The following CLSTN3 variants were observed in gnomAD, a reference collection of about 807,000 sequenced individuals.
CLSTN3 encodes the protein calsyntenin-3.
CLSTN3 carries 36 observed loss-of-function variants against 95.9 expected under a neutral mutation model. The ratio of observed to expected loss-of-function variants is 0.38; its 90% CI spans 0.29 to 0.50. The LOEUF (loss-of-function observed/expected upper bound fraction) is 0.50. CLSTN3 is among the 20% of genes least tolerant of loss of function. The probability of loss-of-function intolerance (pLI) is 0.95; values close to 1 mark genes in which losing one functional copy is unlikely to be tolerated. For synonymous variants in CLSTN3, 481 were observed against 504.0 expected, an observed-to-expected ratio of 0.95 and a Z score of 0.61; for missense variants, 1,084 against 1,268.8, an observed-to-expected ratio of 0.85 and a Z score of 2.21.
chr12:7,129,946 TCAGGCTCAGACTGAGGGTTTTACTTCA>T, upstream of CLSTN3: 3 of 361,972 alleles, frequency 8.3e-6, no homozygotes, highest in Non-Finnish European at 1.2e-5. The surrounding 1 kb of genome is among the most constrained non-coding windows in gnomAD (Gnocchi z 5.5). Context: ...CCAGGATTTC[TCAGGCTCAGACTGAGGGTTTTACTTCA>T]CCCTTCCCAG....
chr12:7,135,073 G>A (rs1033467688), intron 3 of CLSTN3, among the ~76,000 whole-genome samples: 1 of 152,028 alleles, frequency 6.6e-6, no homozygotes, highest in Non-Finnish European at 1.5e-5. Flanking sequence ...ACCGTGTCGA[G>A]GCTGTACCTT....
Position 7,135,322 on chromosome 12 carries a change from T to C in CLSTN3, c.384-5T>C. On this transcript the variant is annotated splice_polypyrimidine_tract_variant and splice_region_variant and intron_variant, in intron 3 of 17. Transcript: ENST00000266546. ...TTCATCCCTCCTTCTCTCTGGCATATGCAGGGCCACTGTGCATGTGCGGGT... is the reference window on the plus strand; with the variant it reads ...TTCATCCCTCCTTCTCTCTGGCATACGCAGGGCCACTGTGCATGTGCGGGT... 1.2e-6 allele frequency: 2 copies of C among 1,613,994 alleles called. No homozygotes were observed. Among genetic ancestry groups the C allele is most frequent in the Non-Finnish European group, 1.7e-6 (2 of 1,179,886 alleles).
At chr12:7,151,300 G>C in intron 16 of CLSTN3, 1 of 465,528 alleles carries the variant, frequency 2.1e-6, no homozygotes, top group Non-Finnish European at 3.7e-6. Context: ...GCTTATGCCT[G>C]CAGTCATAAA....
Position 7,133,836 on chromosome 12 carries a change from C to A in CLSTN3, c.383+68C>A. On this transcript the variant is annotated intron_variant, in intron 3 of 17. Transcript: ENST00000266546. This position sits in a 1 kb window ranked among gnomAD's most constrained non-coding sequence, Gnocchi z 4.7. ...TCCTCCCTGCTCCCAAGCCCACCAT[C>A]CTCTGTCCGTGCGGTCATCGAATAT... The A allele has an allele frequency of 7.5e-7, 1 of 1,336,486 alleles. No homozygotes were observed. Among genetic ancestry groups the A allele is most frequent in the Non-Finnish European group, 1.0e-6 (1 of 973,298 alleles). The allele number at this position is 1,336,486 out of a possible 1,614,324, so 82.8% of individuals were successfully genotyped here.
upstream of CLSTN3, chr12:7,130,315 C>A (rs61917921): frequency 2.1e-5 from 21 of 992,608 alleles, 1 homozygote; most frequent in East Asian, 4.4e-5. Flanking sequence ...CCCCCCCCTC[C>A]CAGTCACCTG....
At chr12:7,142,224 C>A in intron 10 of CLSTN3, 85 bp downstream of exon 10, 3 of 1,238,024 alleles carry the variant, frequency 2.4e-6, no homozygotes, top group Non-Finnish European at 3.5e-6. Flanking sequence ...CAAATCCTAT[C>A]CAGCCTGTGA....
intron 5 of CLSTN3, 92 bp from the exon 6 acceptor site, chr12:7,136,114 A>C: frequency 6.6e-7 from 1 of 1,522,946 alleles, no homozygotes; most frequent in Non-Finnish European, 8.9e-7. Context: ...AGGAGCCCCA[A>C]ACTGTCCATG....
chr12:7,150,472 G>A lies in CLSTN3; in HGVS notation c.2246-72G>A. The A allele has an allele frequency of 6.5e-7, 1 of 1,543,970 alleles. No individual in the cohort carries two copies. Among genetic ancestry groups the A allele is most frequent in the South Asian group, 1.2e-5 (1 of 84,268 alleles). On this transcript the variant is annotated intron_variant, in intron 14 of 17. Transcript: ENST00000266546. The surrounding 1 kb of genome is among the most constrained non-coding windows in gnomAD (Gnocchi z 4.0). ...GCTTGTGTGGCGTCAGCTGGTGGGA[G>A]TCCAGGAGAGAGGGTCCTGCCCAGG...
Position 7,158,810 on chromosome 12 carries a change from G to A in CLSTN3, c.*729G>A, listed in dbSNP as rs746944670. On this transcript the variant is annotated 3_prime_UTR_variant, in exon 18 of 18. Coordinates refer to ENST00000266546, the MANE Select transcript of CLSTN3 (RefSeq NM_014718.4). ...GCCCATGTTCCTGCGTGCAGCTCACGGCCTTGTGTGTATGTGTGTGTGTGT... is the reference window on the plus strand; with the variant it reads ...GCCCATGTTCCTGCGTGCAGCTCACAGCCTTGTGTGTATGTGTGTGTGTGT... 1.3e-5 allele frequency: 1 copy of A among 78,618 alleles called. No individual in the cohort carries two copies. The highest frequency in any genetic ancestry group is 3.3e-5 in the African/African-American group (1 of 30,138). 4.9% of individuals were successfully genotyped at this position (78,618 alleles called of 1,614,324 possible).
intron 16 of CLSTN3, among the ~76,000 whole-genome samples, chr12:7,154,247 A>G (rs3782921): frequency 6.6e-6 from 1 of 152,158 alleles, no homozygotes; most frequent in East Asian, 1.9e-4. Flanking sequence ...TGGTTTCACA[A>G]TATCAAACCA....
chr12:7,155,462 G>T (rs956379029), intron 16 of CLSTN3, among the ~76,000 whole-genome samples: 1 of 152,212 alleles, frequency 6.6e-6, no homozygotes, highest in African/African-American at 2.4e-5. Context: ...GCTCGTCATC[G>T]TTGTGTGCTT....
At position 7,157,916 on chromosome 12, in the gene CLSTN3, TCTC is replaced by T. The variant is rs1384912715; in HGVS notation, c.2731-21_2731-19del. 2.3e-5 allele frequency: 36 copies of T among 1,548,980 alleles called. No individual in the cohort carries two copies. The highest frequency in any genetic ancestry group is 3.0e-5 in the Non-Finnish European group (34 of 1,146,834). On this transcript the variant is annotated intron_variant, in intron 17 of 17. Coordinates refer to ENST00000266546, the MANE Select transcript of CLSTN3 (RefSeq NM_014718.4). The surrounding 1 kb of genome is among the most constrained non-coding windows in gnomAD (Gnocchi z 5.9). ...GGATGTGTGCAGGCCATTGATCCCTTCTCCTCTCTGTTCCTGCCCTCCAGTCCT... is the reference window on the plus strand; with the variant it reads ...GGATGTGTGCAGGCCATTGATCCCTTCTCTCTGTTCCTGCCCTCCAGTCCT...
rs200731672 is a variant in CLSTN3 at position 7,137,801 on chromosome 12, A to T, written c.1211-154A>T. Among the ~76,000 whole-genome samples, 7,977 of 114,240 alleles carry T rather than the reference A, an allele frequency of 0.07. 277 individuals carry two copies. Among genetic ancestry groups the T allele is most frequent in the East Asian group, 0.22 (660 of 3,064 alleles). The allele number at this position is 114,240 out of a possible 152,430, so 74.9% of individuals were successfully genotyped here. A position where few individuals can be genotyped will look rare whatever the true frequency, so the allele number is the denominator to read the frequency against. ...GTGTGTGTGTGTGTGTGTGTGAGAG[A>T]GAGAGAGAGAGAGAGAGAGAGGAAA... On this transcript the variant is annotated intron_variant, in intron 7 of 17. Transcript: ENST00000266546. The surrounding 1 kb of genome is among the most constrained non-coding windows in gnomAD (Gnocchi z 4.4).
At chr12:7,136,735 C>A (rs1168746117) in intron 6 of CLSTN3, 94 bp from the exon 7 acceptor site, 1 of 1,413,344 alleles carries the variant, frequency 7.1e-7, no homozygotes, top group Non-Finnish European at 9.8e-7. Flanking sequence ...TGTAGGAAAT[C>A]TTTTCCCATC....
Position 7,157,951 on chromosome 12 carries a change from A to G in CLSTN3, c.2741A>G (p.Asn914Ser), listed in dbSNP as rs1267116176. ...IIVNPMESYQNRQSCVTGAVG... is the reference protein window; with the variant it reads ...IIVNPMESYQSRQSCVTGAVG... ...GTTCCTGCCCTCCAGTCCTACCAGAATCGGCAGTCCTGTGTGACGGGGGCT... is the reference window on the plus strand; with the variant it reads ...GTTCCTGCCCTCCAGTCCTACCAGAGTCGGCAGTCCTGTGTGACGGGGGCT... The change falls in exon 18 of 18, where the codon AAT becomes AGT. Residue 914 changes from asparagine (N) to serine (S), a missense_variant. Coordinates refer to ENST00000266546, the MANE Select transcript of CLSTN3 (RefSeq NM_014718.4). The surrounding 1 kb of genome is among the most constrained non-coding windows in gnomAD (Gnocchi z 5.9). 3.9e-6 allele frequency: 6 copies of G among 1,551,106 alleles called. No individual in the cohort carries two copies. Among genetic ancestry groups the G allele is most frequent in the East Asian group, 2.4e-5 (1 of 40,918 alleles).
intron 12 of CLSTN3, among the ~76,000 whole-genome samples, chr12:7,148,156 A>AAAAGAAAGAAAGAAAGAAAGAAAG (rs55677407): frequency 1.9e-4 from 26 of 135,498 alleles, no homozygotes; most frequent in Non-Finnish European, 2.8e-4. Flanking sequence ...AACTCCATCA[A>AAAAGAAAGAAAGAAAGAAAGAAAG]AAAGAAAGAA....
At chr12:7,145,078 G>C (rs867158961) in intron 12 of CLSTN3, among the ~76,000 whole-genome samples, 2 of 152,294 alleles carry the variant, frequency 1.3e-5, no homozygotes, top group South Asian at 4.1e-4. Context: ...CTGGTTTTTG[G>C]CCTAGGGTGG....
chr12:7,147,746 C>T (rs1349353244), intron 12 of CLSTN3, among the ~76,000 whole-genome samples: 1 of 152,050 alleles, frequency 6.6e-6, no homozygotes, highest in Non-Finnish European at 1.5e-5. Context: ...AACTCCTAAG[C>T]TCAAGGGATC....
At chr12:7,142,204 T>A in intron 10 of CLSTN3, 65 bp downstream of exon 10, 1 of 1,374,998 alleles carries the variant, frequency 7.3e-7, no homozygotes. Context: ...CTGAGATCCC[T>A]TTTCCACCCC....
Sources: allele counts gnomAD v4.1 joint callset (sites outside exome capture counted in the v4.1 genomes callset), GRCh38; gene constraint gnomAD v4.1.1; non-coding constraint Gnocchi (gnomAD v3.1); transcripts MANE v1.5; gene names NCBI Gene and HGNC (gene_info 2026-07-23, HGNC 2026-07-21).